Variants in ATF7IP2 observed in about 807,000 individuals in gnomAD.
ATF7IP2 encodes the protein activating transcription factor 7 interacting protein 2.
A neutral mutation model predicts 64.2 loss-of-function variants in ATF7IP2; 42 were observed. The ratio of observed to expected loss-of-function variants is 0.65; its 90% CI spans 0.51 to 0.85. The LOEUF (loss-of-function observed/expected upper bound fraction) is 0.85, where lower values mean the gene tolerates loss of function less well. ATF7IP2 is among the 40% of genes least tolerant of loss of function. ATF7IP2 has a pLI of 0.00. For missense variants in ATF7IP2, 933 were observed against 784.2 expected (o/e 1.19, Z -2.27); for synonymous variants, 308 against 272.8 (o/e 1.13, Z -1.27).
chr16:10,392,338 CTT>C (rs78965141), intron 1 of ATF7IP2, among the ~76,000 whole-genome samples: 64 of 137,870 alleles, frequency 4.6e-4, no homozygotes, highest in Non-Finnish European at 3.8e-4. Context: ...TGCGCCTGGC[CTT>C]TTTTTTTTTT....
At position 10,431,082 on chromosome 16, in the gene ATF7IP2, C is replaced by T. The variant is rs1252720767; in HGVS notation, c.462C>T (p.Ser154=). Residue 154 remains serine (S), a synonymous_variant, in exon 5 of 14, where the codon TCC becomes TCT. Transcript: ENST00000562102. ...AGCATCAGACAAATGTAACAAGATC[C>T]CTTTTTGAGCATGAGGGGGCTTGTA... ...DSEHQTNVTR[S]LFEHEGACSL... is the part of the protein sequence containing the mutation. The T allele has an allele frequency of 1.2e-6, 2 of 1,613,980 alleles. No individual in the cohort carries two copies. The highest frequency in any genetic ancestry group is 1.7e-5 in the Admixed American group (1 of 59,998).
chr16:10,407,668 A>T (rs2047670786), intron 1 of ATF7IP2, among the ~76,000 whole-genome samples: 1 of 152,206 alleles, frequency 6.6e-6, no homozygotes, highest in Non-Finnish European at 1.5e-5. Flanking sequence ...TCTGTAGGTT[A>T]TTCAGGAACA....
At chr16:10,397,645 A>G (rs2141757699) in intron 1 of ATF7IP2, among the ~76,000 whole-genome samples, 1 of 151,732 alleles carries the variant, frequency 6.6e-6, no homozygotes, top group Admixed American at 6.6e-5. Flanking sequence ...GGGAGGCCAA[A>G]GCGGGTGAAT....
At position 10,473,331 on chromosome 16, in the gene ATF7IP2, T is replaced by G. The variant is rs1328499396; in HGVS notation, c.1427-148T>G. ...TTTTTAAAAAAATTTCATTCAGTCT[T>G]TGGAATAGGTAAAGTCAATTGAGTT... On this transcript the variant is annotated intron_variant, in intron 10 of 13. Coordinates refer to ENST00000562102, the MANE Select transcript of ATF7IP2 (RefSeq NM_001393719.1). 9.4e-6 allele frequency: 5 copies of G among 529,240 alleles called. No individual in the cohort carries two copies. The East Asian group carries it at 9.9e-5, about 10-fold the overall frequency. 32.8% of individuals were successfully genotyped at this position (529,240 alleles called of 1,614,324 possible).
chr16:10,388,758 C>T (rs1336355651), intron 1 of ATF7IP2, among the ~76,000 whole-genome samples: 6 of 152,124 alleles, frequency 3.9e-5, no homozygotes, highest in Non-Finnish European at 8.8e-5. Flanking sequence ...CACCTGTAAT[C>T]CCAGCACTTT....
At chr16:10,457,344 A>G in intron 8 of ATF7IP2, 28 bp from the exon 9 acceptor site, 1 of 1,575,678 alleles carries the variant, frequency 6.3e-7, no homozygotes, top group Non-Finnish European at 8.6e-7. Context: ...AATTCCCTTC[A>G]ACTGCTTTTT....
chr16:10,425,134 C>T (rs537944147), intron 3 of ATF7IP2, among the ~76,000 whole-genome samples: 5 of 149,844 alleles, frequency 3.3e-5, no homozygotes, highest in African/African-American at 9.8e-5. Context: ...TCTCGGCTCA[C>T]GGCACCCTCT....
At chr16:10,391,610 G>A (rs1008807291) in intron 1 of ATF7IP2, among the ~76,000 whole-genome samples, 9 of 152,028 alleles carry the variant, frequency 5.9e-5, no homozygotes, top group African/African-American at 1.9e-4. Context: ...CTAATATCAA[G>A]AATGAGGCCG....
At chr16:10,430,551 G>A (rs1044409139) in intron 4 of ATF7IP2, 60 bp from the exon 5 acceptor site, 7 of 944,212 alleles carry the variant, frequency 7.4e-6, no homozygotes, top group Admixed American at 2.6e-5. Flanking sequence ...CTTTAATTCA[G>A]TAGTAAATAA....
rs141625467 is a variant in ATF7IP2, at chr16:10,430,964, C to T, written c.344C>T (p.Ser115Leu). Residue 115 changes from serine to leucine, a missense_variant, in exon 5 of 14, where the codon TCG becomes TTG. Ser to Leu is a moderately radical substitution (Grantham distance 145). Transcript: ENST00000562102. Reference protein sequence around the residue: ...SETKLEQVVCSYQKPSRTTES... With the variant: ...SETKLEQVVCLYQKPSRTTES... ...ACAAAATTGGAACAAGTTGTTTGTT[C>T]GTACCAAAAGCCAAGTAGAACAACA... The T allele has an allele frequency of 3.2e-4, 512 of 1,614,050 alleles. No homozygotes were observed. The highest frequency in any genetic ancestry group is 2.8e-3 in the African/African-American group (210 of 75,032).
chr16:10,456,090 G>T (rs750496287), intron 8 of ATF7IP2, among the ~76,000 whole-genome samples: 2 of 151,882 alleles, frequency 1.3e-5, no homozygotes, highest in East Asian at 1.9e-4. Flanking sequence ...ATCAATTCTC[G>T]TGCCTTAGCC....
chr16:10,435,033 G>A (rs930408842), intron 6 of ATF7IP2, among the ~76,000 whole-genome samples: 1 of 152,200 alleles, frequency 6.6e-6, no homozygotes, highest in African/African-American at 2.4e-5. Context: ...CTCCCAAAGT[G>A]CTGGGATTAC....
Position 10,481,949 on chromosome 16 carries a change from G to C in ATF7IP2, c.1749G>C (p.Val583=). 6.2e-7 allele frequency: 1 copy of C among 1,614,118 alleles called. No individual in the cohort carries two copies. Among genetic ancestry groups the C allele is most frequent in the Non-Finnish European group, 8.5e-7 (1 of 1,180,014 alleles). The change falls in exon 14 of 14, where the codon GTG becomes GTC. Residue 583 remains valine (V), a synonymous_variant. Transcript: ENST00000562102. ...TLPPQKPELK[V]KRVFRPNGIA... is the part of the protein sequence containing the mutation. Reference sequence around the variant, plus strand: ...CTCCCCAGAAGCCTGAGCTCAAAGTGAAACGGGTTTTCAGACCCAATGGCA... The same window carrying C: ...CTCCCCAGAAGCCTGAGCTCAAAGTCAAACGGGTTTTCAGACCCAATGGCA...
chr16:10,424,466 G>A (rs372218512), intron 3 of ATF7IP2, among the ~76,000 whole-genome samples: 3 of 152,104 alleles, frequency 2.0e-5, no homozygotes, highest in African/African-American at 2.4e-5. Context: ...AAAAACACAC[G>A]TAAATGTGTT....
rs765343095 is a variant in ATF7IP2, at chr16:10,430,719, G to A, written c.99G>A (p.Arg33=). The stretch of plus-strand genomic sequence containing the variant: ...AAGTAGAGATGCTGAATAAGTCAAG[G>A]AATGTTGAAGCGCTGAAAACAGCAA... ...RKQVEMLNKS[R]NVEALKTAIG... Residue 33 remains arginine (R), a synonymous_variant, in exon 5 of 14, where the codon AGG becomes AGA. Transcript: ENST00000562102. 1 of 1,614,134 alleles carries A rather than the reference G, an allele frequency of 6.2e-7. No individual in the cohort carries two copies. The highest frequency in any genetic ancestry group is 1.1e-5 in the South Asian group (1 of 91,064).
At chr16:10,457,791 C>T (rs2049232015) in intron 9 of ATF7IP2, among the ~76,000 whole-genome samples, 1 of 152,112 alleles carries the variant, frequency 6.6e-6, no homozygotes. Context: ...ACTGCAGCCT[C>T]GACCTCCTTC....
chr16:10,456,129 A>G lies in ATF7IP2; in HGVS notation c.1195-1243A>G, dbSNP rs1368406978. Among the ~76,000 whole-genome samples, 6 of 151,960 alleles carry G rather than the reference A, an allele frequency of 3.9e-5. No individual in the cohort carries two copies. The East Asian group carries it at 1.2e-3, about 29-fold the overall frequency. ...TGAGTAGCTGGGATTACCGGGGTGT[A>G]TGAGGTTTCTAAGCAAAGTGTTGAA... On this transcript the variant is annotated intron_variant, in intron 8 of 13. Coordinates refer to ENST00000562102, the MANE Select transcript of ATF7IP2 (RefSeq NM_001393719.1).
At chr16:10,452,576 G>T (rs1228355430) in intron 8 of ATF7IP2, among the ~76,000 whole-genome samples, 1 of 150,206 alleles carries the variant, frequency 6.7e-6, no homozygotes, top group Non-Finnish European at 1.5e-5. Flanking sequence ...CAGGATACAC[G>T]GGGGTCAGGG....
chr16:10,478,333 C>T (rs991833210), intron 12 of ATF7IP2, among the ~76,000 whole-genome samples: 1 of 151,708 alleles, frequency 6.6e-6, no homozygotes, highest in African/African-American at 2.4e-5. Context: ...AGAACAGAGC[C>T]CTCAGAAATA....
Sources: allele counts gnomAD v4.1 joint callset (sites outside exome capture counted in the v4.1 genomes callset), GRCh38; gene constraint gnomAD v4.1.1; transcripts MANE v1.5; gene names NCBI Gene and HGNC (gene_info 2026-07-23, HGNC 2026-07-21).